Variants in PREPL observed in about 807,000 individuals in gnomAD.
The protein encoded by PREPL is prolyl endopeptidase-like.
Under a neutral mutation model 70.6 loss-of-function variants are expected in PREPL, and 77 were observed. The observed-to-expected ratio is 1.09, with a 90% CI of 0.91 to 1.32. PREPL has a LOEUF of 1.32. Ranked by LOEUF, PREPL falls within the 40% of genes most tolerant of loss-of-function variation. The pLI is 0.00. For missense variants in PREPL, 1,002 were observed against 778.2 expected, an observed-to-expected ratio of 1.29 and a Z score of -3.42; for synonymous variants, 315 against 264.8, an observed-to-expected ratio of 1.19 and a Z score of -1.84.
rs1672902461 is a variant in PREPL, at chr2:44,321,110, C to T, written c.*246G>A. The stretch of plus-strand genomic sequence containing the variant: ...ATCACCAATCCTTCCCTTCCCTCTA[C>T]TCCACATCCTTCTAAGGAGCATGAT... On this transcript the variant is annotated 3_prime_UTR_variant, in exon 14 of 14. Coordinates refer to ENST00000409411, the MANE Select transcript of PREPL (RefSeq NM_001171613.2). The T allele has an allele frequency of 1.5e-5, 7 of 471,182 alleles. No individual in the cohort carries two copies. In the South Asian group the frequency reaches 1.8e-4, roughly 12 times the overall value. 29.2% of individuals were successfully genotyped at this position (471,182 alleles called of 1,614,324 possible).
At chr2:44,361,755 GCT>G, upstream of PREPL, 1 of 500,150 alleles carries the variant, frequency 2.0e-6, no homozygotes, top group Non-Finnish European at 3.2e-6. Context: ...CCCTGCCACA[GCT>G]CTCTCATCCT....
intron 1 of PREPL, among the ~76,000 whole-genome samples, chr2:44,356,810 A>AT (rs60067050): frequency 0.15 from 22,207 of 148,134 alleles, 1,669 homozygotes; most frequent in South Asian, 0.18. Context: ...GAAACTCCCT[A>AT]TTTTTTTTTT....
intron 3 of PREPL, 58 bp downstream of exon 3, chr2:44,344,462 C>T: frequency 3.4e-6 from 4 of 1,187,850 alleles, no homozygotes; most frequent in Non-Finnish European, 4.7e-6. Flanking sequence ...AATAAATTTC[C>T]TATAAAAAAT....
chr2:44,322,154 G>A (rs1673031314), intron 12 of PREPL, among the ~76,000 whole-genome samples: 1 of 152,152 alleles, frequency 6.6e-6, no homozygotes, highest in Admixed American at 6.5e-5. Flanking sequence ...TGAAACCCAG[G>A]AGATCATCAA....
chr2:44,342,236 C>CT (rs1248958185), intron 5 of PREPL, among the ~76,000 whole-genome samples, 181 bp downstream of exon 5: 1 of 152,100 alleles, frequency 6.6e-6, no homozygotes, highest in Non-Finnish European at 1.5e-5. Flanking sequence ...TGTATTTACT[C>CT]TGATTTTGAA....
At chr2:44,349,697 GCTCACGCCT>G (rs1676199507) in intron 1 of PREPL, among the ~76,000 whole-genome samples, 1 of 152,162 alleles carries the variant, frequency 6.6e-6, no homozygotes, top group South Asian at 2.1e-4. Flanking sequence ...GGGCGCGGTG[GCTCACGCCT>G]GTAATCTCGG....
intron 8 of PREPL, among the ~76,000 whole-genome samples, chr2:44,332,109 G>A (rs993862645): frequency 1.3e-5 from 2 of 151,966 alleles, no homozygotes; most frequent in Non-Finnish European, 1.5e-5. Context: ...ACCATGCCCA[G>A]CTAATTTTGT....
At position 44,318,299 on chromosome 2, in the gene PREPL, C is replaced by T; in HGVS notation, c.*3057G>A. 1 of 259,802 alleles carries T rather than the reference C, an allele frequency of 3.8e-6. No individual in the cohort carries two copies. Among genetic ancestry groups the T allele is most frequent in the Non-Finnish European group, 7.8e-6 (1 of 128,110 alleles). The allele number at this position is 259,802 out of a possible 1,614,324, so 16.1% of individuals were successfully genotyped here. A position where few individuals can be genotyped will look rare whatever the true frequency, so the allele number is the denominator to read the frequency against. On this transcript the variant is annotated 3_prime_UTR_variant, in exon 14 of 14. Coordinates refer to ENST00000409411, the MANE Select transcript of PREPL (RefSeq NM_001171613.2). Reference sequence around the variant, plus strand: ...TAGAGATGGTGTTTCACCATGTTGGCCAGGCTGGTCTTGAACTCCTGACCT... The same window carrying T: ...TAGAGATGGTGTTTCACCATGTTGGTCAGGCTGGTCTTGAACTCCTGACCT...
chr2:44,337,478 C>T (rs1253647003), intron 7 of PREPL, among the ~76,000 whole-genome samples: 1 of 152,094 alleles, frequency 6.6e-6, no homozygotes, highest in Non-Finnish European at 1.5e-5. Context: ...CAGTATTGTG[C>T]ACATGAAAGT....
intron 10 of PREPL, among the ~76,000 whole-genome samples, chr2:44,326,140 G>A (rs1244609320): frequency 6.6e-6 from 1 of 152,128 alleles, no homozygotes; most frequent in Non-Finnish European, 1.5e-5. Flanking sequence ...ATGCTTCAGT[G>A]CTTTTTCACC....
At chr2:44,353,561 C>A (rs1177543633) in intron 1 of PREPL, among the ~76,000 whole-genome samples, 1 of 151,476 alleles carries the variant, frequency 6.6e-6, no homozygotes, top group Non-Finnish European at 1.5e-5. Context: ...GCACTCCAAC[C>A]TGGGCGACAG....
chr2:44,327,795 G>A (rs761687926), intron 9 of PREPL, among the ~76,000 whole-genome samples: 7 of 151,760 alleles, frequency 4.6e-5, no homozygotes, highest in African/African-American at 1.7e-4. Context: ...CCTGGGAGGC[G>A]GAGGTTGCAG....
Position 44,342,538 on chromosome 2 carries a change from C to T in PREPL, c.364G>A (p.Glu122Lys), listed in dbSNP as rs147671673. 1.0e-4 allele frequency: 166 copies of T among 1,599,704 alleles called. No individual in the cohort carries two copies. The highest frequency in any genetic ancestry group is 1.4e-4 in the Non-Finnish European group (162 of 1,173,050). ...TAGAATAAAACATCTTCATCTTCCT[C>T]GTCCTTTACCCATTCTGAAAGAAAA... ...NVSSFEWVKD[E>K]EDEDVLFYTF... Residue 122 changes from glutamate (E) to lysine (K), a missense_variant, in exon 5 of 14, where the codon GAG becomes AAG. By Grantham distance (56) the Glu-to-Lys change is moderately conservative. Transcript: ENST00000409411.
chr2:44,339,332 T>G lies in PREPL; in HGVS notation c.517A>C (p.Ser173Arg). 1 of 1,614,020 alleles carries G rather than the reference T, an allele frequency of 6.2e-7. No individual in the cohort carries two copies. The highest frequency in any genetic ancestry group is 1.1e-5 in the South Asian group (1 of 91,070). ...ATAATATTTATGGTGAGGAAACGAC[T>G]GTCTTTTGTAAGATAAAGGAAAACA... Reference protein sequence around the residue: ...YFVFLYLTKDSRFLTINIMNK... With the variant: ...YFVFLYLTKDRRFLTINIMNK... The change falls in exon 6 of 14, where the codon AGT becomes CGT. Residue 173 changes from serine to arginine, a missense_variant. Physicochemically the swap from Ser to Arg is moderately radical, Grantham distance 110. Transcript: ENST00000409411.
chr2:44,340,714 G>T (rs777300271), intron 5 of PREPL, among the ~76,000 whole-genome samples: 7 of 152,108 alleles, frequency 4.6e-5, no homozygotes, highest in Non-Finnish European at 2.9e-5. Context: ...GATCACCTGA[G>T]ATCAGGAGTT....
Position 44,343,882 on chromosome 2 carries a change from C to G in PREPL, c.212G>C (p.Cys71Ser). The G allele has an allele frequency of 6.2e-7, 1 of 1,614,010 alleles. No homozygotes were observed. Among genetic ancestry groups the G allele is most frequent in the Non-Finnish European group, 8.5e-7 (1 of 1,179,968 alleles). ...TTTTTCATCTGGAGCAACTCTGATA[C>G]AATCAATGAAGGGCTGGTCTAACTT... ...ELKLDQPFID[C>S]IRVAPDEKYV... is the part of the protein sequence containing the mutation. Residue 71 changes from cysteine to serine, a missense_variant, in exon 4 of 14, where the codon TGT (cysteine) becomes TCT (serine). Coordinates refer to ENST00000409411, the MANE Select transcript of PREPL (RefSeq NM_001171613.2).
At position 44,321,256 on chromosome 2, in the gene PREPL, TAA is replaced by T; in HGVS notation, c.*98_*99del. The T allele has an allele frequency of 9.5e-7, 1 of 1,053,042 alleles. No homozygotes were observed. 65.2% of individuals were successfully genotyped at this position (1,053,042 alleles called of 1,614,324 possible). A position where few individuals can be genotyped will look rare whatever the true frequency, so the allele number is the denominator to read the frequency against. Reference sequence around the variant, plus strand: ...AGCACATTTTAAAAAATTAATAACTTAAAAGTCTCAAGTTATTAATTTTTTTT... The same window carrying T: ...AGCACATTTTAAAAAATTAATAACTTAAGTCTCAAGTTATTAATTTTTTTT... On this transcript the variant is annotated 3_prime_UTR_variant, in exon 14 of 14. Coordinates refer to ENST00000409411, the MANE Select transcript of PREPL (RefSeq NM_001171613.2).
Position 44,343,726 on chromosome 2 carries a change from AT to A in PREPL, c.349+18del. 1 of 1,596,036 alleles carries A rather than the reference AT, an allele frequency of 6.3e-7. No individual in the cohort carries two copies. Among genetic ancestry groups the A allele is most frequent in the Non-Finnish European group, 8.6e-7 (1 of 1,163,826 alleles). ...CCGTTGCCTTTCAACACAGAGGACTATTTTGGTTGGTGGCTTACCAAAACTG... is the reference window on the plus strand; with the variant it reads ...CCGTTGCCTTTCAACACAGAGGACTATTTGGTTGGTGGCTTACCAAAACTG... On this transcript the variant is annotated intron_variant, in intron 4 of 13. Transcript: ENST00000409411.
intron 5 of PREPL, among the ~76,000 whole-genome samples, chr2:44,339,853 T>C (rs1176968056): frequency 6.6e-6 from 1 of 152,188 alleles, no homozygotes. Context: ...ATTTTCTTCT[T>C]TCTCTGCATG....
Sources: allele counts gnomAD v4.1 joint callset (sites outside exome capture counted in the v4.1 genomes callset), GRCh38; gene constraint gnomAD v4.1.1; transcripts MANE v1.5; gene names NCBI Gene and HGNC (gene_info 2026-07-23, HGNC 2026-07-21).